PCLO: variants seen among roughly 807,000 people sequenced by gnomAD.
PCLO encodes piccolo presynaptic cytomatrix protein.
Under a neutral mutation model 427.5 loss-of-function variants are expected in PCLO, and 82 were observed. The observed-to-expected ratio is 0.19, with a 90% CI of 0.16 to 0.23. The LOEUF (loss-of-function observed/expected upper bound fraction) is 0.23. PCLO is among the 10% of genes least tolerant of loss of function. The pLI is 1.00. For synonymous variants in PCLO, 2,357 were observed against 2,155.4 expected (o/e 1.09, Z -2.59); for missense variants, 6,239 against 6,115.9 (o/e 1.02, Z -0.67).
At chr7:83,096,995 T>C (rs1343785664) in intron 3 of PCLO, among the ~76,000 whole-genome samples, 2 of 46,206 alleles carry the variant, frequency 4.3e-5, no homozygotes, top group African/African-American at 1.2e-4. Flanking sequence ...AAATAATATA[T>C]ATTATATAAA....
chr7:82,785,452 T>C (rs9656531), intron 22 of PCLO, among the ~76,000 whole-genome samples: 16,081 of 152,162 alleles, frequency 0.11, 2,213 homozygotes, highest in African/African-American at 0.32. Context: ...TGGGGACCCC[T>C]GTACTAGAAG....
chr7:82,940,755 C>CTTTTTTTTTTTTTTTTTT (rs71531190), intron 6 of PCLO, among the ~76,000 whole-genome samples: 5 of 109,124 alleles, frequency 4.6e-5, no homozygotes, highest in African/African-American at 7.1e-5. Flanking sequence ...TTTTTTCTTT[C>CTTTTTTTTTTTTTTTTTT]TTTTTTTTTT....
chr7:82,788,362 A>C (rs1484192164), intron 22 of PCLO, among the ~76,000 whole-genome samples: 1 of 150,896 alleles, frequency 6.6e-6, no homozygotes, highest in Admixed American at 6.6e-5. Flanking sequence ...TTTTTTAAAA[A>C]CCAAAATAAT....
At chr7:82,772,963 C>T (rs540455885) in intron 22 of PCLO, among the ~76,000 whole-genome samples, 2 of 152,134 alleles carry the variant, frequency 1.3e-5, no homozygotes, top group African/African-American at 4.8e-5. Flanking sequence ...TTTTAAAAGC[C>T]TCAAGACCAC....
At chr7:82,926,845 A>G (rs1794723997) in intron 6 of PCLO, among the ~76,000 whole-genome samples, 2 of 152,118 alleles carry the variant, frequency 1.3e-5, no homozygotes, top group Non-Finnish European at 2.9e-5. Flanking sequence ...TTTTAAGGTG[A>G]GCATTTTTTG....
At chr7:82,929,611 T>C (rs79871155) in intron 6 of PCLO, among the ~76,000 whole-genome samples, 1,554 of 152,294 alleles carry the variant, frequency 0.01, 28 homozygotes, top group African/African-American at 0.036. Flanking sequence ...AAGCCATAAC[T>C]ATGAGAAGAA....
At chr7:83,006,364 A>T (rs1255347348) in intron 3 of PCLO, among the ~76,000 whole-genome samples, 1 of 151,604 alleles carries the variant, frequency 6.6e-6, no homozygotes, top group African/African-American at 2.4e-5. Context: ...GCACATGGTA[A>T]AGTTAATAGA....
chr7:83,162,376 G>C lies in PCLO; in HGVS notation c.217C>G (p.Pro73Ala), dbSNP rs771529063. 1 of 1,600,752 alleles carries C rather than the reference G, an allele frequency of 6.2e-7. No individual in the cohort carries two copies. The highest frequency in any genetic ancestry group is 1.3e-5 in the African/African-American group (1 of 74,856). ...AQGLPKGSVPPAAAESPSMHR... is the reference protein window; with the variant it reads ...AQGLPKGSVPAAAAESPSMHR... ...ATGGAAGGCGACTCCGCAGCGGCCG[G>C]GGGGACGCTTCCCTTGGGCAGCCCC... The change falls in exon 1 of 25, where the codon CCG (proline) becomes GCG (alanine). Residue 73 changes from proline to alanine, a missense_variant. By Grantham distance (27) the Pro-to-Ala change is conservative. This residue lies in a region of PCLO where 4,677 missense variants were observed against 4,468.4 expected (regional missense o/e 1.05). Coordinates refer to ENST00000333891, the MANE Select transcript of PCLO (RefSeq NM_033026.6).
At chr7:82,776,921 C>A (rs140398185) in intron 22 of PCLO, among the ~76,000 whole-genome samples, 5,303 of 151,914 alleles carry the variant, frequency 0.035, 122 homozygotes, top group Non-Finnish European at 0.052. Context: ...CACACACACA[C>A]ACACACACAC....
intron 3 of PCLO, among the ~76,000 whole-genome samples, chr7:82,997,715 A>AT (rs1787663556): frequency 1.3e-5 from 2 of 152,030 alleles, no homozygotes; most frequent in African/African-American, 4.8e-5. Context: ...TGGAAGAATG[A>AT]GTTAAGAACC....
intron 20 of PCLO, chr7:82,822,067 A>G (rs1191504540): frequency 1.0e-6 from 1 of 994,474 alleles, no homozygotes; most frequent in African/African-American, 1.8e-5. Flanking sequence ...TCTAATTGCA[A>G]ATCTGCTCTA....
At chr7:82,963,906 TAAAA>T (rs1444648955) in intron 4 of PCLO, among the ~76,000 whole-genome samples, 1 of 151,776 alleles carries the variant, frequency 6.6e-6, no homozygotes, top group Non-Finnish European at 1.5e-5. Context: ...AAAAGTATAA[TAAAA>T]AGAAAGTGAA....
intron 6 of PCLO, among the ~76,000 whole-genome samples, chr7:82,933,663 A>T (rs1413036689): frequency 2.6e-5 from 4 of 151,954 alleles, no homozygotes; most frequent in Non-Finnish European, 4.4e-5. Context: ...CTGACATTGA[A>T]CATTTATGCT....
chr7:83,075,445 T>C (rs1789927286), intron 3 of PCLO, among the ~76,000 whole-genome samples: 1 of 152,122 alleles, frequency 6.6e-6, no homozygotes, highest in South Asian at 2.1e-4. Context: ...GAAACCTGAA[T>C]TCTAAACTGA....
chr7:83,108,547 G>T (rs1790924978), intron 3 of PCLO, among the ~76,000 whole-genome samples: 1 of 151,808 alleles, frequency 6.6e-6, no homozygotes, highest in Non-Finnish European at 1.5e-5. Context: ...GCTCAAATGA[G>T]ATAGAAAATA....
At chr7:82,834,230 C>T (rs1443757768) in intron 16 of PCLO, among the ~76,000 whole-genome samples, 1 of 152,008 alleles carries the variant, frequency 6.6e-6, no homozygotes, top group Non-Finnish European at 1.5e-5. Context: ...TAGGGAGATT[C>T]TGAATAATGT....
chr7:82,772,535 A>C, intron 22 of PCLO, among the ~76,000 whole-genome samples: 1 of 152,100 alleles, frequency 6.6e-6, no homozygotes, highest in South Asian at 2.1e-4. Context: ...CTTTATTTGA[A>C]ATAACCCAGA....
At chr7:83,074,151 T>C (rs941309041) in intron 3 of PCLO, among the ~76,000 whole-genome samples, 9 of 152,042 alleles carry the variant, frequency 5.9e-5, no homozygotes, top group Non-Finnish European at 1.2e-4. Flanking sequence ...TTTCTCATTA[T>C]ATCCTTGTAA....
intron 3 of PCLO, among the ~76,000 whole-genome samples, chr7:83,001,779 T>C (rs1429759998): frequency 1.3e-5 from 2 of 152,018 alleles, no homozygotes; most frequent in Non-Finnish European, 2.9e-5. Context: ...CATTCTGGCA[T>C]CTCATGGCAG....
Sources: allele counts gnomAD v4.1 joint callset (sites outside exome capture counted in the v4.1 genomes callset), GRCh38; gene constraint gnomAD v4.1.1; regional missense constraint gnomAD v4.1.1; transcripts MANE v1.5; gene names NCBI Gene and HGNC (gene_info 2026-07-23, HGNC 2026-07-21).